Variants in POU3F2 observed in about 807,000 individuals in gnomAD.
The protein encoded by POU3F2 is POU domain, class 3, transcription factor 2.
A neutral mutation model predicts 33.1 loss-of-function variants in POU3F2; 11 were observed. The ratio of observed to expected loss-of-function variants is 0.33; its 90% CI spans 0.21 to 0.55. The LOEUF is 0.55. POU3F2 is among the 20% of genes least tolerant of loss of function. The pLI is 0.91. For synonymous variants in POU3F2, 332 were observed against 289.6 expected, an observed-to-expected ratio of 1.15 and a Z score of -1.49; for missense variants, 456 against 620.2, an observed-to-expected ratio of 0.74 and a Z score of 2.81.
Position 98,839,163 on chromosome 6 carries a change from T to C in POU3F2, c.*2958T>C, listed in dbSNP as rs1770039316. The C allele has an allele frequency of 6.6e-6, 1 of 152,330 alleles. No homozygotes were observed. Among genetic ancestry groups the C allele is most frequent in the African/African-American group, 2.4e-5 (1 of 41,572 alleles). 9.4% of individuals were successfully genotyped at this position (152,330 alleles called of 1,614,324 possible). ...GTCCTACAAAGAGATGTTTGTCCCC[T>C]TTAAACATATGCAGATATGCCTGCA... is the stretch of plus-strand genomic sequence containing the variant. On this transcript the variant is annotated 3_prime_UTR_variant, in exon 1 of 1. Coordinates refer to ENST00000328345, the MANE Select transcript of POU3F2 (RefSeq NM_005604.4).
rs989955201 is a variant in POU3F2, at chr6:98,837,038, T to C, written c.*833T>C. On this transcript the variant is annotated 3_prime_UTR_variant, in exon 1 of 1. Transcript: ENST00000328345. Reference sequence around the variant, plus strand: ...TAGACAATTCTCTGATTTCAGGAAATGTGCATGGTCTACCCGCTTTATCGA... The same window carrying C: ...TAGACAATTCTCTGATTTCAGGAAACGTGCATGGTCTACCCGCTTTATCGA... 1.4e-4 allele frequency: 23 copies of C among 167,092 alleles called. No homozygotes were observed. The highest frequency in any genetic ancestry group is 5.3e-4 in the African/African-American group (22 of 41,448). The allele number at this position is 167,092 out of a possible 1,614,324, so 10.4% of individuals were successfully genotyped here.
Position 98,835,649 on chromosome 6 carries a change from A to C in POU3F2, c.776A>C (p.His259Pro), listed in dbSNP as rs1351246691. The C allele has an allele frequency of 6.2e-7, 1 of 1,613,074 alleles. No homozygotes were observed. The part of the protein sequence containing the change: ...PGHPGAHHDP[H>P]SDEDTPTSDD... The stretch of plus-strand genomic sequence containing the variant: ...CACCCAGGCGCGCACCACGACCCGC[A>C]CTCGGACGAGGACACGCCGACCTCG... Residue 259 changes from histidine to proline, a missense_variant, in exon 1 of 1, where the codon CAC becomes CCC. Transcript: ENST00000328345. This position sits in a 1 kb window ranked among gnomAD's most constrained non-coding sequence, Gnocchi z 9.7.
Position 98,835,246 on chromosome 6 carries a change from C to T in POU3F2, c.373C>T (p.Gln125Ter). The T allele has an allele frequency of 6.5e-7, 1 of 1,541,964 alleles. No individual in the cohort carries two copies. Among genetic ancestry groups the T allele is most frequent in the South Asian group, 1.2e-5 (1 of 83,362 alleles). ...GDELHGPGAL[Q>*]QQHQQQQQQQ... ...CGAGCTGCACGGGCCAGGCGCCCTGCAGCAGCAGCATCAGCAGCAGCAACA... is the reference window on the plus strand; with the variant it reads ...CGAGCTGCACGGGCCAGGCGCCCTGTAGCAGCAGCATCAGCAGCAGCAACA... Residue 125 changes from glutamine (Q) to a stop codon, truncating the protein, a stop_gained, in exon 1 of 1, where the codon CAG becomes TAG. Coordinates refer to ENST00000328345, the MANE Select transcript of POU3F2 (RefSeq NM_005604.4). LOFTEE classifies it high-confidence loss of function. The surrounding 1 kb of genome is among the most constrained non-coding windows in gnomAD (Gnocchi z 9.7).
rs777913397 is a variant in POU3F2, at chr6:98,836,230, C to A, written c.*25C>A. The A allele has an allele frequency of 1.3e-6, 2 of 1,547,752 alleles. No homozygotes were observed. The highest frequency in any genetic ancestry group is 1.4e-5 in the African/African-American group (1 of 71,304). On this transcript the variant is annotated 3_prime_UTR_variant, in exon 1 of 1. Transcript: ENST00000328345. ...AACTCGAGCTGGGGGAGGGGCAGAGCGCGGGGCTCCCCCTCCCCTTCGGTC... is the reference window on the plus strand; with the variant it reads ...AACTCGAGCTGGGGGAGGGGCAGAGAGCGGGGCTCCCCCTCCCCTTCGGTC...
At position 98,834,621 on chromosome 6, in the gene POU3F2, A is replaced by G; in HGVS notation, c.-253A>G. 1 of 530,026 alleles carries G rather than the reference A, an allele frequency of 1.9e-6. No homozygotes were observed. 32.8% of individuals were successfully genotyped at this position (530,026 alleles called of 1,614,324 possible). A position where few individuals can be genotyped will look rare whatever the true frequency, so the allele number is the denominator to read the frequency against. On this transcript the variant is annotated 5_prime_UTR_variant, in exon 1 of 1. Coordinates refer to ENST00000328345, the MANE Select transcript of POU3F2 (RefSeq NM_005604.4). ...GAGGGGGGAGCGCCGAGCTAGTCAGAGAGTGAGCGAGAGCGAGAAGGAGGG... is the reference window on the plus strand; with the variant it reads ...GAGGGGGGAGCGCCGAGCTAGTCAGGGAGTGAGCGAGAGCGAGAAGGAGGG...
At position 98,836,418 on chromosome 6, in the gene POU3F2, T is replaced by C. The variant is rs944349539; in HGVS notation, c.*213T>C. On this transcript the variant is annotated 3_prime_UTR_variant, in exon 1 of 1. Transcript: ENST00000328345. ...TAAAGGTAGCAGGTGTAATGATGTG[T>C]TTTGACCTTTGCAGGCGAGTAACCA... is the stretch of plus-strand genomic sequence containing the variant. 1.7e-5 allele frequency: 10 copies of C among 602,408 alleles called. No individual in the cohort carries two copies. The highest frequency in any genetic ancestry group is 1.4e-4 in the African/African-American group (7 of 51,124). The allele number at this position is 602,408 out of a possible 1,614,324, so 37.3% of individuals were successfully genotyped here.
In POU3F2 at chr6:98,834,926, T is replaced by G; in HGVS notation, c.53T>G (p.Ile18Ser). Residue 18 changes from isoleucine (I) to serine (S), a missense_variant, in exon 1 of 1, where the codon ATC becomes AGC. Physicochemically the swap from Ile to Ser is moderately radical, Grantham distance 142. This residue lies in a region of POU3F2 where 341 missense variants were observed against 382.4 expected (regional missense o/e 0.89). Coordinates refer to ENST00000328345, the MANE Select transcript of POU3F2 (RefSeq NM_005604.4). ...HYSLLTSSAS[I>S]VHAEPPGGMQ... Reference sequence around the variant, plus strand: ...AGCCTGCTCACCTCCAGCGCCTCCATCGTGCACGCCGAGCCGCCCGGCGGC... The same window carrying G: ...AGCCTGCTCACCTCCAGCGCCTCCAGCGTGCACGCCGAGCCGCCCGGCGGC... 19 of 1,600,064 alleles carry G rather than the reference T, an allele frequency of 1.2e-5. No homozygotes were observed. Among genetic ancestry groups the G allele is most frequent in the Admixed American group, 1.7e-5 (1 of 59,976 alleles).
At position 98,835,296 on chromosome 6, in the gene POU3F2, ACAG is replaced by A. The variant is rs564719242; in HGVS notation, c.441_443del (p.Gln149del). 3.0e-4 allele frequency: 467 copies of A among 1,532,474 alleles called. No individual in the cohort carries two copies. The highest frequency in any genetic ancestry group is 1.4e-3 in the East Asian group (55 of 39,888). The allele number at this position is 1,532,474 out of a possible 1,614,324, so 94.9% of individuals were successfully genotyped here. A position where few individuals can be genotyped will look rare whatever the true frequency, so the allele number is the denominator to read the frequency against. ...AGCAACAGCAGCAGCAACAGCAGCA[ACAG>A]CAGCAGCAGCAGCAGCAACAGCGGC... On this transcript the variant is annotated inframe_deletion, in exon 1 of 1. Transcript: ENST00000328345. The surrounding 1 kb of genome is among the most constrained non-coding windows in gnomAD (Gnocchi z 9.7).
At position 98,835,581 on chromosome 6, in the gene POU3F2, C is replaced by T; in HGVS notation, c.708C>T (p.His236=). ...DHHPHPHSHP[H]QQPPPPPPPQ... is the part of the protein sequence containing the mutation. The stretch of plus-strand genomic sequence containing the variant: ...ACCCGCACCCGCACTCGCACCCACA[C>T]CAGCAGCCGCCGCCCCCGCCGCCCC... The change falls in exon 1 of 1, where the codon CAC becomes CAT. Residue 236 remains histidine (H), a synonymous_variant. Coordinates refer to ENST00000328345, the MANE Select transcript of POU3F2 (RefSeq NM_005604.4). The surrounding 1 kb of genome is among the most constrained non-coding windows in gnomAD (Gnocchi z 9.7). 6.2e-7 allele frequency: 1 copy of T among 1,601,618 alleles called. No individual in the cohort carries two copies. Among genetic ancestry groups the T allele is most frequent in the Non-Finnish European group, 8.5e-7 (1 of 1,176,298 alleles).
At position 98,836,267 on chromosome 6, in the gene POU3F2, C is replaced by A; in HGVS notation, c.*62C>A. On this transcript the variant is annotated 3_prime_UTR_variant, in exon 1 of 1. Coordinates refer to ENST00000328345, the MANE Select transcript of POU3F2 (RefSeq NM_005604.4). Reference sequence around the variant, plus strand: ...CCTCCCCTTCGGTCCTTGGCCCTTTCCCGGCCCTCTTGTTCCCTCTCTAAC... The same window carrying A: ...CCTCCCCTTCGGTCCTTGGCCCTTTACCGGCCCTCTTGTTCCCTCTCTAAC... 6.7e-7 allele frequency: 1 copy of A among 1,489,768 alleles called. No homozygotes were observed. Among genetic ancestry groups the A allele is most frequent in the Non-Finnish European group, 8.9e-7 (1 of 1,121,134 alleles). 92.3% of individuals were successfully genotyped at this position (1,489,768 alleles called of 1,614,324 possible). A position where few individuals can be genotyped will look rare whatever the true frequency, so the allele number is the denominator to read the frequency against.
rs761254912 is a variant in POU3F2 at position 98,836,124 on chromosome 6, G to A, written c.1251G>A (p.Gly417=). 1 of 1,605,226 alleles carries A rather than the reference G, an allele frequency of 6.2e-7. No individual in the cohort carries two copies. The change falls in exon 1 of 1, where the codon GGG becomes GGA. Residue 417 remains glycine (G), a synonymous_variant. Transcript: ENST00000328345. ...AGAAAAGGATGACCCCTCCCGGAGG[G>A]ACTCTGCCGGGCGCCGAGGATGTGT... The part of the protein sequence containing the change: ...QKEKRMTPPG[G]TLPGAEDVYG...
Position 98,835,427 on chromosome 6 carries a change from A to G in POU3F2, c.554A>G (p.Asn185Ser), listed in dbSNP as rs1355184153. 8 of 1,587,962 alleles carry G rather than the reference A, an allele frequency of 5.0e-6. No homozygotes were observed. The highest frequency in any genetic ancestry group is 2.3e-5 in the East Asian group (1 of 42,764). The part of the protein sequence containing the change: ...AHLPPSMGAS[N>S]GGLLYSQPSF... Reference sequence around the variant, plus strand: ...CTCCCACCCTCCATGGGAGCGTCCAACGGCGGCTTGCTCTACTCGCAGCCC... The same window carrying G: ...CTCCCACCCTCCATGGGAGCGTCCAGCGGCGGCTTGCTCTACTCGCAGCCC... Residue 185 changes from asparagine (N) to serine (S), a missense_variant, in exon 1 of 1, where the codon AAC (asparagine) becomes AGC (serine). Around this residue, in one of 6 missense-constraint regions of POU3F2, gnomAD observed 341 missense variants for 382.4 expected, o/e 0.89. Transcript: ENST00000328345. This position sits in a 1 kb window ranked among gnomAD's most constrained non-coding sequence, Gnocchi z 9.7.
In POU3F2 at chr6:98,838,898, G is replaced by T. The variant is rs1562202938; in HGVS notation, c.*2693G>T. 6.6e-6 allele frequency: 1 copy of T among 152,166 alleles called. No homozygotes were observed. The highest frequency in any genetic ancestry group is 6.6e-5 in the Admixed American group (1 of 15,246). The allele number at this position is 152,166 out of a possible 1,614,324, so 9.4% of individuals were successfully genotyped here. On this transcript the variant is annotated 3_prime_UTR_variant, in exon 1 of 1. Transcript: ENST00000328345. ...GACCTTAAATTGACTGAGTTGAGTTGTGTGTAAAACACTTCCCTTCCTTTA... is the reference window on the plus strand; with the variant it reads ...GACCTTAAATTGACTGAGTTGAGTTTTGTGTAAAACACTTCCCTTCCTTTA...
Position 98,834,789 on chromosome 6 carries a change from G to A in POU3F2, c.-85G>A. On this transcript the variant is annotated 5_prime_UTR_variant, in exon 1 of 1. Coordinates refer to ENST00000328345, the MANE Select transcript of POU3F2 (RefSeq NM_005604.4). ...GAGAGAGAGGAGACAGAAAGAGCGA[G>A]CGAGGAGAGGGAGCCCGAGGCGAAA... The A allele has an allele frequency of 7.0e-7, 1 of 1,438,594 alleles. No individual in the cohort carries two copies. The highest frequency in any genetic ancestry group is 9.4e-7 in the Non-Finnish European group (1 of 1,063,930). 89.1% of individuals were successfully genotyped at this position (1,438,594 alleles called of 1,614,324 possible).
rs1554212728 is a variant in POU3F2, at chr6:98,835,244, T to TGCAGCAGCAGCATCAGCA, written c.378_395dup (p.His128_Gln133dup). ...GACGAGCTGCACGGGCCAGGCGCCC[T>TGCAGCAGCAGCATCAGCA]GCAGCAGCAGCATCAGCAGCAGCAA... On this transcript the variant is annotated inframe_insertion, in exon 1 of 1. Transcript: ENST00000328345. The surrounding 1 kb of genome is among the most constrained non-coding windows in gnomAD (Gnocchi z 9.7). 1,100 of 1,541,148 alleles carry TGCAGCAGCAGCATCAGCA rather than the reference T, an allele frequency of 7.1e-4. 4 individuals are homozygous for TGCAGCAGCAGCATCAGCA. The highest frequency in any genetic ancestry group is 6.3e-4 in the Non-Finnish European group (724 of 1,144,184).
In POU3F2 at chr6:98,834,699, G is replaced by A; in HGVS notation, c.-175G>A. ...GCGGGAGGCGGCGGCGGCGGCAGCA[G>A]CAGCAGTAATAGCAGGAGCAGCAAC... On this transcript the variant is annotated 5_prime_UTR_variant, in exon 1 of 1. Transcript: ENST00000328345. 2.9e-6 allele frequency: 2 copies of A among 698,466 alleles called. No individual in the cohort carries two copies. Among genetic ancestry groups the A allele is most frequent in the Non-Finnish European group, 4.6e-6 (2 of 433,318 alleles). 43.3% of individuals were successfully genotyped at this position (698,466 alleles called of 1,614,324 possible).
At position 98,834,770 on chromosome 6, in the gene POU3F2, G is replaced by C; in HGVS notation, c.-104G>C. The C allele has an allele frequency of 7.7e-7, 1 of 1,298,846 alleles. No individual in the cohort carries two copies. The highest frequency in any genetic ancestry group is 2.8e-5 in the East Asian group (1 of 35,940). 80.5% of individuals were successfully genotyped at this position (1,298,846 alleles called of 1,614,324 possible). On this transcript the variant is annotated 5_prime_UTR_variant, in exon 1 of 1. Coordinates refer to ENST00000328345, the MANE Select transcript of POU3F2 (RefSeq NM_005604.4). ...TCGGAGCTGCCCGCTGTGGGAGAGAGAGGAGACAGAAAGAGCGAGCGAGGA... is the reference window on the plus strand; with the variant it reads ...TCGGAGCTGCCCGCTGTGGGAGAGACAGGAGACAGAAAGAGCGAGCGAGGA...
chr6:98,835,317 A>C lies in POU3F2; in HGVS notation c.444A>C (p.Gln148His), dbSNP rs1372169592. The change falls in exon 1 of 1, where the codon CAA (glutamine) becomes CAC (histidine). Residue 148 changes from glutamine (Q) to histidine (H), a missense_variant. Transcript: ENST00000328345. The surrounding 1 kb of genome is among the most constrained non-coding windows in gnomAD (Gnocchi z 9.7). ...AGCAACAGCAGCAGCAGCAGCAGCA[A>C]CAGCGGCCGCCGCATCTGGTGCACC... ...QQQQQQQQQQ[Q>H]QRPPHLVHHA... The C allele has an allele frequency of 6.5e-7, 1 of 1,543,894 alleles. No homozygotes were observed. Among genetic ancestry groups the C allele is most frequent in the Non-Finnish European group, 8.7e-7 (1 of 1,144,576 alleles).
Position 98,835,223 on chromosome 6 carries a change from A to C in POU3F2, c.350A>C (p.Glu117Ala), listed in dbSNP as rs1250488832. The part of the protein sequence containing the change: ...VVVQQGGRGD[E>A]LHGPGALQQQ... The stretch of plus-strand genomic sequence containing the variant: ...GTGCAGCAGGGCGGCCGCGGAGACG[A>C]GCTGCACGGGCCAGGCGCCCTGCAG... Residue 117 changes from glutamate to alanine, a missense_variant, in exon 1 of 1, where the codon GAG becomes GCG. This residue lies in a region of POU3F2 where 341 missense variants were observed against 382.4 expected (regional missense o/e 0.89). Transcript: ENST00000328345. This position sits in a 1 kb window ranked among gnomAD's most constrained non-coding sequence, Gnocchi z 9.7. The C allele has an allele frequency of 6.5e-7, 1 of 1,529,866 alleles. No individual in the cohort carries two copies. 94.8% of individuals were successfully genotyped at this position (1,529,866 alleles called of 1,614,324 possible). A position where few individuals can be genotyped will look rare whatever the true frequency, so the allele number is the denominator to read the frequency against.
Sources: gnomAD v4.1 joint callset for allele counts on GRCh38, gnomAD v4.1.1 for gene constraint, gnomAD v4.1.1 regional missense constraint, Gnocchi (gnomAD v3.1) non-coding constraint, MANE v1.5 for transcripts, NCBI Gene and HGNC (gene_info 2026-07-23, HGNC 2026-07-21) for gene names.